NRXN1: variants seen among roughly 807,000 people sequenced by gnomAD.
NRXN1 encodes neurexin 1, also known as neurexin-1.
In NRXN1, 39 loss-of-function variants were observed where a neutral mutation model predicts 150.9. The observed-to-expected ratio is 0.26, with a 90% CI of 0.20 to 0.34. The LOEUF is 0.34. Among genes scored for constraint, NRXN1 ranks in the 10% least tolerant of loss-of-function variants. The probability of loss-of-function intolerance (pLI) is 1.00; values close to 1 mark genes in which losing one functional copy is unlikely to be tolerated. For synonymous variants in NRXN1, 924 were observed against 757.0 expected (o/e 1.22, Z -3.62); for missense variants, 1,815 against 1,949.9 (o/e 0.93, Z 1.30).
intron 17 of NRXN1, among the ~76,000 whole-genome samples, chr2:50,279,212 C>A (rs1304700132): frequency 1.3e-5 from 2 of 152,098 alleles, no homozygotes. Flanking sequence ...TCAGCTGATA[C>A]AGTTATCTAT....
rs1667805143 is a variant in NRXN1, at chr2:50,808,496, A to G, written c.832+113373T>C. On this transcript the variant is annotated intron_variant, in intron 5 of 22. Transcript: ENST00000401669. ...AATGCAAAAAAAAAGAGAAACTAAC[A>G]TAAGTTAAAATTGATTGTACATAGT... is the stretch of plus-strand genomic sequence containing the variant. Among the ~76,000 whole-genome samples, 3 of 152,102 alleles carry G rather than the reference A, an allele frequency of 2.0e-5. No individual in the cohort carries two copies. In the South Asian group the frequency reaches 6.2e-4, roughly 31 times the overall value.
chr2:50,229,416 A>T (rs2064729544), intron 18 of NRXN1, among the ~76,000 whole-genome samples: 1 of 151,858 alleles, frequency 6.6e-6, no homozygotes, highest in African/African-American at 2.4e-5. Context: ...CTGGTTCTTA[A>T]CCCTCAAGCA....
intron 12 of NRXN1, 35 bp downstream of exon 12, chr2:50,528,590 G>A: frequency 1.7e-6 from 2 of 1,211,760 alleles, no homozygotes; most frequent in East Asian, 2.4e-5. Flanking sequence ...CATAATGGAG[G>A]AATAACATTT....
At chr2:50,601,479 T>A (rs1400756273) in intron 8 of NRXN1, among the ~76,000 whole-genome samples, 1 of 152,214 alleles carries the variant, frequency 6.6e-6, no homozygotes, top group Non-Finnish European at 1.5e-5. Flanking sequence ...CACAATTGAT[T>A]ATTCAAATAA....
intron 5 of NRXN1, among the ~76,000 whole-genome samples, chr2:50,834,438 G>A (rs755127577): frequency 2.6e-5 from 4 of 152,132 alleles, no homozygotes; most frequent in Non-Finnish European, 4.4e-5. Flanking sequence ...TCAACTGCTA[G>A]AATTTCAGGA....
At chr2:50,331,202 T>C (rs2076815341) in intron 17 of NRXN1, among the ~76,000 whole-genome samples, 1 of 152,118 alleles carries the variant, frequency 6.6e-6, no homozygotes, top group Non-Finnish European at 1.5e-5. Context: ...ATAAAATATA[T>C]GCTGGAAATA....
chr2:50,519,090 C>A (rs553458266), intron 12 of NRXN1, among the ~76,000 whole-genome samples: 15 of 151,772 alleles, frequency 9.9e-5, no homozygotes, highest in Non-Finnish European at 2.2e-4. Flanking sequence ...GGTAGCATCT[C>A]GTGTCTTGCT....
At chr2:50,507,935 T>C (rs1410781647) in intron 12 of NRXN1, among the ~76,000 whole-genome samples, 2 of 150,618 alleles carry the variant, frequency 1.3e-5, no homozygotes, top group Non-Finnish European at 1.5e-5. Flanking sequence ...AACCAATTAA[T>C]GCCCAAGGAT....
At chr2:49,946,517 T>A (rs972757769) in intron 21 of NRXN1, among the ~76,000 whole-genome samples, 2 of 152,150 alleles carry the variant, frequency 1.3e-5, no homozygotes, top group Non-Finnish European at 2.9e-5. Context: ...TGGTTTTAGG[T>A]CTTACGTTTA....
In NRXN1 at chr2:50,236,906, G is replaced by A. The variant is rs2152879387; in HGVS notation, c.3429C>T (p.Asp1143=). 1 of 1,613,346 alleles carries A rather than the reference G, an allele frequency of 6.2e-7. No individual in the cohort carries two copies. The highest frequency in any genetic ancestry group is 1.3e-5 in the African/African-American group (1 of 74,974). The stretch of plus-strand genomic sequence containing the variant: ...GTCTGTCTGCTCGTGTACTGGGTCG[G>A]TCATTAGGAGGCCACTTATACGTGA... ...GQITYKWPPN[D]RPSTRADRLA... is the part of the protein sequence containing the mutation. Residue 1143 remains aspartate (D), a synonymous_variant, in exon 18 of 23, where the codon GAC becomes GAT. Coordinates refer to ENST00000401669, the MANE Select transcript of NRXN1 (RefSeq NM_001330078.2).
chr2:51,018,104 T>C (rs1002720202), intron 2 of NRXN1, among the ~76,000 whole-genome samples: 1 of 151,998 alleles, frequency 6.6e-6, no homozygotes, highest in Non-Finnish European at 1.5e-5. Context: ...TGTTGCGAGG[T>C]CCCAAACAAC....
intron 5 of NRXN1, among the ~76,000 whole-genome samples, chr2:50,661,541 C>G (rs867375004): frequency 1.3e-5 from 2 of 152,004 alleles, no homozygotes; most frequent in African/African-American, 4.8e-5. Context: ...CCTTAAGGGT[C>G]CTCAGTAATT....
intron 8 of NRXN1, among the ~76,000 whole-genome samples, chr2:50,608,438 T>A (rs949845284): frequency 3.9e-5 from 6 of 152,146 alleles, no homozygotes; most frequent in African/African-American, 1.2e-4. Context: ...CTGGTTCACA[T>A]CCACAGCTTG....
At chr2:50,705,814 T>G (rs1173471095) in intron 5 of NRXN1, among the ~76,000 whole-genome samples, 1 of 152,096 alleles carries the variant, frequency 6.6e-6, no homozygotes, top group Non-Finnish European at 1.5e-5. Flanking sequence ...ATTGCCCTTA[T>G]GTTGATTGGC....
At chr2:50,289,379 C>T (rs1215474567) in intron 17 of NRXN1, among the ~76,000 whole-genome samples, 4 of 151,974 alleles carry the variant, frequency 2.6e-5, no homozygotes, top group African/African-American at 9.7e-5. Context: ...GTGAAGTTCC[C>T]CTCTAAGTCA....
chr2:50,298,179 C>G (rs2073805731), intron 17 of NRXN1, among the ~76,000 whole-genome samples: 1 of 152,182 alleles, frequency 6.6e-6, no homozygotes, highest in East Asian at 1.9e-4. Context: ...ACAGTTGCAC[C>G]TCTTCTTGGC....
chr2:50,300,615 T>C (rs939426), intron 17 of NRXN1, among the ~76,000 whole-genome samples: 87,463 of 151,716 alleles, frequency 0.58, 25,421 homozygotes, highest in African/African-American at 0.6. Flanking sequence ...GCCAATAGGA[T>C]GTGAGCAGAC....
chr2:50,613,454 G>A (rs193297414), intron 8 of NRXN1, among the ~76,000 whole-genome samples: 3 of 152,250 alleles, frequency 2.0e-5, no homozygotes, highest in Admixed American at 2.0e-4. Flanking sequence ...ATACTGTATA[G>A]TGCATACTGA....
At chr2:50,772,861 C>T (rs1703173918) in intron 5 of NRXN1, among the ~76,000 whole-genome samples, 1 of 152,040 alleles carries the variant, frequency 6.6e-6, no homozygotes, top group Non-Finnish European at 1.5e-5. Context: ...TGTTTATGGG[C>T]TGTAGATATT....
Sources: gnomAD v4.1 joint callset for allele counts (sites outside exome capture counted in the v4.1 genomes callset) on GRCh38, gnomAD v4.1.1 for gene constraint, MANE v1.5 for transcripts, NCBI Gene and HGNC (gene_info 2026-07-23, HGNC 2026-07-21) for gene names.